TBC1D21: variants seen among roughly 807,000 people sequenced by gnomAD.
The protein encoded by TBC1D21 is male germ cell Rab GTPase-activating protein.
In TBC1D21, 38 loss-of-function variants were observed where a neutral mutation model predicts 46.0. That is an observed-to-expected ratio of 0.83 (90% CI 0.64 to 1.08). The LOEUF (loss-of-function observed/expected upper bound fraction) is 1.08. Among genes scored for constraint, TBC1D21 ranks in the 50% least tolerant of loss-of-function variants. The pLI, the probability that TBC1D21 is intolerant of heterozygous loss-of-function variation, is 0.00. For missense variants in TBC1D21, 415 were observed against 417.9 expected (o/e 0.99, Z 0.06); for synonymous variants, 151 against 157.2 (o/e 0.96, Z 0.29).
At chr15:73,880,304 CCACA>C (rs57897774) in intron 1 of TBC1D21, among the ~76,000 whole-genome samples, 87 of 149,486 alleles carry the variant, frequency 5.8e-4, no homozygotes, top group African/African-American at 2.0e-3. Context: ...CAGATATATA[CCACA>C]CACACACACA....
chr15:73,886,667 G>A, intron 8 of TBC1D21, 55 bp downstream of exon 8: 1 of 1,528,356 alleles, frequency 6.5e-7, no homozygotes, highest in South Asian at 1.1e-5. Context: ...AGGCAGAGTG[G>A]AAGCTGCAAG....
At chr15:73,907,138 GCTC>G in the TBC1D21 span, among the ~76,000 whole-genome samples, 14 of 140,828 alleles carry the variant, frequency 9.9e-5, no homozygotes, top group South Asian at 4.7e-4. Flanking sequence ...TCCTCCTCCT[GCTC>G]CTCCTCCTCT....
intron 10 of TBC1D21, among the ~76,000 whole-genome samples, chr15:73,888,821 G>A (rs1431632055): frequency 2.6e-5 from 4 of 152,038 alleles, no homozygotes; most frequent in Non-Finnish European, 5.9e-5. Flanking sequence ...GACACAGACT[G>A]TGCCACGTTC....
At chr15:73,888,383 A>G in intron 9 of TBC1D21, 47 bp from the exon 10 acceptor site, 2 of 1,517,206 alleles carry the variant, frequency 1.3e-6, no homozygotes, top group Non-Finnish European at 1.8e-6. Flanking sequence ...GTGCTGGGAG[A>G]TGTTTGCCCC....
chr15:73,892,461 C>T (rs934208609), downstream of TBC1D21, among the ~76,000 whole-genome samples: 82 of 152,180 alleles, frequency 5.4e-4, no homozygotes, highest in South Asian at 6.2e-4. Flanking sequence ...GCTGTGACAT[C>T]GTCTTTGGGG....
chr15:73,897,451 A>G, the TBC1D21 span, among the ~76,000 whole-genome samples: 9 of 152,246 alleles, frequency 5.9e-5, no homozygotes, highest in Non-Finnish European at 1.3e-4. Context: ...TAACCCAAGA[A>G]GCTGTAGCCA....
chr15:73,888,289 G>A, intron 9 of TBC1D21, 141 bp from the exon 10 acceptor site: 1 of 661,838 alleles, frequency 1.5e-6, no homozygotes. Context: ...AAGCAGGCTG[G>A]GGAGAGGTCA....
At chr15:73,889,853 C>T (rs985445051), downstream of TBC1D21, among the ~76,000 whole-genome samples, 7 of 152,270 alleles carry the variant, frequency 4.6e-5, no homozygotes, top group Non-Finnish European at 8.8e-5. Flanking sequence ...CCTGCTCCCC[C>T]AGGCTGTGCC....
At chr15:73,898,483 T>G in the TBC1D21 span, among the ~76,000 whole-genome samples, 3 of 152,164 alleles carry the variant, frequency 2.0e-5, no homozygotes, top group African/African-American at 7.2e-5. Context: ...TATTTTAAAA[T>G]TTTAATAGCC....
chr15:73,883,463 G>A lies in TBC1D21; in HGVS notation c.273-688G>A, dbSNP rs182122629. ...TTACCTCCCAGCTTGTGTGGCTCCC[G>A]GTGTTCCTCAGCTGGTGGCTGCCTC... On this transcript the variant is annotated intron_variant, in intron 3 of 10. Coordinates refer to ENST00000300504, the MANE Select transcript of TBC1D21 (RefSeq NM_153356.3). Among the ~76,000 whole-genome samples the A allele has an allele frequency of 3.3e-5, 5 of 152,286 alleles. 1 individual carries two copies. Among genetic ancestry groups the A allele is most frequent in the African/African-American group, 4.8e-5 (2 of 41,568 alleles).
the TBC1D21 span, among the ~76,000 whole-genome samples, chr15:73,906,268 G>C: frequency 6.6e-6 from 1 of 152,218 alleles, no homozygotes; most frequent in Non-Finnish European, 1.5e-5. Context: ...GCAAATTAGG[G>C]ACAGGAGGGG....
Position 73,884,192 on chromosome 15 carries a change from A to G in TBC1D21, c.314A>G (p.Gln105Arg). The G allele has an allele frequency of 6.2e-7, 1 of 1,614,250 alleles. No homozygotes were observed. The highest frequency in any genetic ancestry group is 8.5e-7 in the Non-Finnish European group (1 of 1,180,042). ...KALCQMYEKI[Q>R]PLLENLHRNF... ...TTATGCCAAATGTATGAGAAGATTC[A>G]GCCCCTTCTGGAAAACCTGCACCGG... is the stretch of plus-strand genomic sequence containing the variant. Residue 105 changes from glutamine to arginine, a missense_variant, in exon 4 of 11, where the codon CAG becomes CGG. Physicochemically the swap from Gln to Arg is conservative, Grantham distance 43. Coordinates refer to ENST00000300504, the MANE Select transcript of TBC1D21 (RefSeq NM_153356.3).
At chr15:73,892,827 A>G (rs1042241584), downstream of TBC1D21, among the ~76,000 whole-genome samples, 3 of 152,276 alleles carry the variant, frequency 2.0e-5, no homozygotes, top group African/African-American at 7.2e-5. Flanking sequence ...TCAAGCTGGA[A>G]AGGAATACCT....
At chr15:73,904,476 G>A in the TBC1D21 span, among the ~76,000 whole-genome samples, 3 of 152,238 alleles carry the variant, frequency 2.0e-5, no homozygotes, top group Non-Finnish European at 4.4e-5. Context: ...TTACACCACA[G>A]AAATTGGCAA....
chr15:73,877,826 T>C (rs1040126096), intron 1 of TBC1D21, among the ~76,000 whole-genome samples: 1 of 152,220 alleles, frequency 6.6e-6, no homozygotes, highest in African/African-American at 2.4e-5. Flanking sequence ...CATATGACCA[T>C]TTCAACAGAT....
chr15:73,892,186 G>T (rs2068342818), downstream of TBC1D21, among the ~76,000 whole-genome samples: 1 of 152,310 alleles, frequency 6.6e-6, no homozygotes, highest in Admixed American at 6.5e-5. Flanking sequence ...AGCTACTCAG[G>T]GCGGGTCTCC....
intron 6 of TBC1D21, 81 bp downstream of exon 6, chr15:73,885,184 C>A: frequency 7.9e-7 from 1 of 1,264,212 alleles, no homozygotes; most frequent in Non-Finnish European, 1.1e-6. Context: ...GATGGGCAGG[C>A]ATTGGCCACC....
downstream of TBC1D21, among the ~76,000 whole-genome samples, chr15:73,889,778 T>C (rs1270145071): frequency 6.6e-6 from 1 of 152,264 alleles, no homozygotes; most frequent in Non-Finnish European, 1.5e-5. Context: ...TCAATCTTTC[T>C]TGAGAATGCA....
intron 8 of TBC1D21, 102 bp from the exon 9 acceptor site, chr15:73,887,518 G>T: frequency 1.1e-6 from 1 of 917,220 alleles, no homozygotes; most frequent in South Asian, 1.3e-5. Context: ...CAAGGCCCAG[G>T]AATGGCTGAC....
Sources: allele counts gnomAD v4.1 joint callset (sites outside exome capture counted in the v4.1 genomes callset), GRCh38; gene constraint gnomAD v4.1.1; transcripts MANE v1.5; gene names NCBI Gene and HGNC (gene_info 2026-07-23, HGNC 2026-07-21).